Variants in LRP6 observed in about 807,000 individuals in gnomAD.
LRP6 encodes the protein low-density lipoprotein receptor-related protein 6.
LRP6 carries 43 observed loss-of-function variants against 184.1 expected under a neutral mutation model. That is an observed-to-expected ratio of 0.23 (90% CI 0.18 to 0.30). The LOEUF is 0.30. Among genes scored for constraint, LRP6 ranks in the 10% least tolerant of loss-of-function variants. LRP6 has a pLI of 1.00. For missense variants in LRP6, 1,571 were observed against 2,005.3 expected (o/e 0.78, Z 4.14); for synonymous variants, 719 against 684.9 (o/e 1.05, Z -0.78).
intron 2 of LRP6, among the ~76,000 whole-genome samples, chr12:12,204,077 A>G (rs941103927): frequency 6.6e-6 from 1 of 152,208 alleles, no homozygotes; most frequent in African/African-American, 2.4e-5. Context: ...AACATCACCA[A>G]TAAGGGAACA....
In LRP6 at chr12:12,120,029, A is replaced by T. The variant is rs1488447105; in HGVS notation, c.*1097T>A. Reference sequence around the variant, plus strand: ...TATATATATATATATATATATATATATATATATATATATAAATGATTTCGT... The same window carrying T: ...TATATATATATATATATATATATATTTATATATATATATAAATGATTTCGT... On this transcript the variant is annotated 3_prime_UTR_variant, in exon 23 of 23. Transcript: ENST00000261349. 1.7e-5 allele frequency: 2 copies of T among 115,362 alleles called. No homozygotes were observed. The highest frequency in any genetic ancestry group is 1.7e-4 in the Admixed American group (2 of 11,788). The allele number at this position is 115,362 out of a possible 1,614,324, so 7.1% of individuals were successfully genotyped here. A position where few individuals can be genotyped will look rare whatever the true frequency, so the allele number is the denominator to read the frequency against.
In LRP6 at chr12:12,234,832, A is replaced by G. The variant is rs116479502; in HGVS notation, c.449+9430T>C. Among the ~76,000 whole-genome samples, 926 of 152,314 alleles carry G rather than the reference A, an allele frequency of 6.1e-3. 12 individuals carry two copies. Among genetic ancestry groups the G allele is most frequent in the African/African-American group, 0.021 (893 of 41,570 alleles). On this transcript the variant is annotated intron_variant, in intron 2 of 22. Transcript: ENST00000261349. ...CAGAGAGAGACTACGTCTCAAAAAA[A>G]AAAAGAATATACACATTCACATTCT... is the stretch of plus-strand genomic sequence containing the variant.
rs781543898 is a variant in LRP6 at position 12,266,764 on chromosome 12, C to T, written c.-29G>A. On this transcript the variant is annotated 5_prime_UTR_variant, in exon 1 of 23. Transcript: ENST00000261349. ...CCCTTCTCGCGTTCTCTTCTCTCAC[C>T]GGCGAGGGGTGGCCAGAAGTGGGGG... is the stretch of plus-strand genomic sequence containing the variant. 6.9e-6 allele frequency: 11 copies of T among 1,600,460 alleles called. No individual in the cohort carries two copies. Among genetic ancestry groups the T allele is most frequent in the East Asian group, 2.3e-5 (1 of 44,136 alleles).
chr12:12,254,777 C>T (rs1865419735), intron 1 of LRP6, among the ~76,000 whole-genome samples: 1 of 152,182 alleles, frequency 6.6e-6, no homozygotes, highest in African/African-American at 2.4e-5. Context: ...TGGTAACTGG[C>T]TTACAGAGTT....
intron 2 of LRP6, among the ~76,000 whole-genome samples, chr12:12,213,469 ATC>A (rs935961866): frequency 2.0e-4 from 30 of 152,096 alleles, no homozygotes; most frequent in Non-Finnish European, 3.4e-4. Context: ...TTATTAATAT[ATC>A]TGTTACAAAT....
intron 2 of LRP6, among the ~76,000 whole-genome samples, chr12:12,207,133 C>T (rs1864082719): frequency 6.6e-6 from 1 of 152,198 alleles, no homozygotes; most frequent in South Asian, 2.1e-4. Flanking sequence ...ACATGGCAGG[C>T]CATAAAGAGT....
intron 2 of LRP6, chr12:12,210,858 A>G (rs1012897943): frequency 6.6e-6 from 1 of 152,194 alleles, no homozygotes; most frequent in Non-Finnish European, 1.5e-5. Context: ...TAACCCCTGA[A>G]CTTGATTCCT....
At chr12:12,185,650 A>G (rs1331559174) in intron 4 of LRP6, among the ~76,000 whole-genome samples, 1 of 152,190 alleles carries the variant, frequency 6.6e-6, no homozygotes, top group Non-Finnish European at 1.5e-5. Flanking sequence ...AGTTCTCAGC[A>G]GTCATAGCCC....
At chr12:12,200,296 AAG>A (rs1168881899) in intron 3 of LRP6, among the ~76,000 whole-genome samples, 1 of 152,168 alleles carries the variant, frequency 6.6e-6, no homozygotes, top group Non-Finnish European at 1.5e-5. Context: ...AGAAAGAAAA[AAG>A]AGATGTTTTT....
chr12:12,192,556 T>C (rs550983160), intron 3 of LRP6, among the ~76,000 whole-genome samples: 3 of 151,880 alleles, frequency 2.0e-5, no homozygotes, highest in Admixed American at 1.3e-4. Context: ...ACAAATAGAT[T>C]GAAAAGAAAA....
chr12:12,159,723 C>A, intron 11 of LRP6, 57 bp downstream of exon 11: 2 of 1,474,904 alleles, frequency 1.4e-6, no homozygotes, highest in Non-Finnish European at 1.9e-6. Flanking sequence ...TAAATAGCAG[C>A]CACTGATATT....
chr12:12,263,981 A>G (rs886325886), intron 1 of LRP6, among the ~76,000 whole-genome samples: 1 of 151,662 alleles, frequency 6.6e-6, no homozygotes, highest in Non-Finnish European at 1.5e-5. Context: ...CACCAACCCC[A>G]TATCTACAAA....
intron 12 of LRP6, among the ~76,000 whole-genome samples, chr12:12,156,360 G>T (rs1444678258): frequency 1.3e-5 from 2 of 152,204 alleles, no homozygotes; most frequent in Non-Finnish European, 2.9e-5. Flanking sequence ...AACGAGGCCA[G>T]TGTGGCTGTA....
intron 2 of LRP6, among the ~76,000 whole-genome samples, chr12:12,231,197 A>G (rs1024369540): frequency 6.7e-6 from 1 of 150,178 alleles, no homozygotes; most frequent in African/African-American, 2.4e-5. Context: ...AAAAAAAAAA[A>G]AAAAAAAAAA....
At chr12:12,199,964 C>CAAAAAAAA (rs146224493) in intron 3 of LRP6, among the ~76,000 whole-genome samples, 3 of 45,204 alleles carry the variant, frequency 6.6e-5, no homozygotes, top group African/African-American at 2.9e-4. Flanking sequence ...GACTCCATCT[C>CAAAAAAAA]AAAAAAAAAA....
At chr12:12,160,780 C>G (rs1862720692) in intron 10 of LRP6, among the ~76,000 whole-genome samples, 1 of 152,218 alleles carries the variant, frequency 6.6e-6, no homozygotes, top group Admixed American at 6.5e-5. Context: ...AGAGCTAGAA[C>G]TAGAACCTAA....
chr12:12,179,423 C>G (rs10772538), intron 7 of LRP6, among the ~76,000 whole-genome samples: 1 of 142,540 alleles, frequency 7.0e-6, no homozygotes, highest in African/African-American at 3.0e-5. Context: ...TATAGATATA[C>G]ACATACATGT....
intron 2 of LRP6, among the ~76,000 whole-genome samples, chr12:12,226,331 G>A (rs1454092582): frequency 6.6e-6 from 1 of 152,194 alleles, no homozygotes; most frequent in Admixed American, 6.5e-5. Flanking sequence ...GCAGTTTGAA[G>A]AGACAGAGCA....
At chr12:12,160,008 A>T (rs754053936) in intron 10 of LRP6, 44 bp from the exon 11 acceptor site, 9 of 1,399,642 alleles carry the variant, frequency 6.4e-6, no homozygotes, top group African/African-American at 5.8e-5. Flanking sequence ...ATTTTTTATT[A>T]TCTGGGGGAA....
Sources: allele counts gnomAD v4.1 joint callset (sites outside exome capture counted in the v4.1 genomes callset), GRCh38; gene constraint gnomAD v4.1.1; transcripts MANE v1.5; gene names NCBI Gene and HGNC (gene_info 2026-07-23, HGNC 2026-07-21).